UBAC2: variants seen among roughly 807,000 people sequenced by gnomAD.
UBAC2 encodes ubiquitin-associated domain-containing protein 2.
A neutral mutation model predicts 44.0 loss-of-function variants in UBAC2; 26 were observed. That is an observed-to-expected ratio of 0.59 (90% CI 0.43 to 0.82). UBAC2 has a LOEUF of 0.82. Ranked by LOEUF, UBAC2 falls within the 40% of genes least tolerant of loss-of-function variation. UBAC2 has a pLI of 0.00. For synonymous variants in UBAC2, 155 were observed against 154.3 expected (o/e 1.00, Z -0.04); for missense variants, 329 against 419.4 (o/e 0.78, Z 1.88).
chr13:99,241,805 T>C (rs947448690), intron 2 of UBAC2, among the ~76,000 whole-genome samples: 1 of 148,352 alleles, frequency 6.7e-6, no homozygotes, highest in African/African-American at 2.5e-5. Flanking sequence ...GGCAGGGTCA[T>C]AGGACAATAG....
chr13:99,346,704 T>C (rs1380029248), intron 7 of UBAC2, among the ~76,000 whole-genome samples: 1 of 152,148 alleles, frequency 6.6e-6, no homozygotes, highest in African/African-American at 2.4e-5. Context: ...CAGGGAGGCC[T>C]TCCCCAGCTT....
At chr13:99,217,343 G>A (rs1480776527) in intron 1 of UBAC2, among the ~76,000 whole-genome samples, 3 of 152,242 alleles carry the variant, frequency 2.0e-5, no homozygotes, top group South Asian at 2.1e-4. Context: ...GAGAGGTCCC[G>A]TGGCTCATCA....
chr13:99,257,809 G>C (rs554128064), intron 4 of UBAC2, among the ~76,000 whole-genome samples: 10 of 151,900 alleles, frequency 6.6e-5, no homozygotes, highest in African/African-American at 2.4e-4. Flanking sequence ...CTTTCCTTAA[G>C]TTGAAAAAAA....
At chr13:99,247,136 A>C (rs1204993850) in intron 4 of UBAC2, among the ~76,000 whole-genome samples, 1 of 151,274 alleles carries the variant, frequency 6.6e-6, no homozygotes, top group Non-Finnish European at 1.5e-5. Flanking sequence ...GCACCCAGCC[A>C]CAAATATATC....
At chr13:99,269,019 C>T (rs1461632951) in intron 4 of UBAC2, among the ~76,000 whole-genome samples, 1 of 152,154 alleles carries the variant, frequency 6.6e-6, no homozygotes, top group Non-Finnish European at 1.5e-5. Flanking sequence ...ACCACGGGGA[C>T]ATGCTACGGG....
chr13:99,358,406 G>A (rs2138873520), intron 7 of UBAC2, among the ~76,000 whole-genome samples: 1 of 152,300 alleles, frequency 6.6e-6, no homozygotes, highest in Middle Eastern at 3.4e-3. Context: ...GCAGATGGGA[G>A]AATCCAGCAA....
chr13:99,286,718 T>G (rs1018816855), intron 4 of UBAC2, among the ~76,000 whole-genome samples: 1 of 152,196 alleles, frequency 6.6e-6, no homozygotes, highest in Non-Finnish European at 1.5e-5. Context: ...CCATGTGTAT[T>G]CAATGTTTAG....
intron 1 of UBAC2, among the ~76,000 whole-genome samples, chr13:99,229,673 C>T (rs377694102): frequency 1.1e-4 from 17 of 152,252 alleles, no homozygotes; most frequent in South Asian, 6.2e-4. Flanking sequence ...AAGTTGAAAC[C>T]GGGCAAAGCT....
chr13:99,322,535 T>G (rs1209624814), intron 6 of UBAC2, among the ~76,000 whole-genome samples: 3 of 152,228 alleles, frequency 2.0e-5, no homozygotes, highest in Non-Finnish European at 4.4e-5. Flanking sequence ...TTAAGCTGTT[T>G]GAGAGTGAAT....
intron 7 of UBAC2, chr13:99,351,450 A>G (rs775361216): frequency 2.3e-4 from 102 of 435,802 alleles, no homozygotes; most frequent in Non-Finnish European, 4.0e-4. Context: ...TTTATCTTCC[A>G]AACCTAAAAT....
chr13:99,257,642 G>T (rs2138634065), intron 4 of UBAC2, among the ~76,000 whole-genome samples: 1 of 152,254 alleles, frequency 6.6e-6, no homozygotes, highest in South Asian at 2.1e-4. Context: ...ATTGAAAAGT[G>T]ATTGACTTTA....
intron 4 of UBAC2, chr13:99,254,716 A>G (rs1424154695): frequency 3.3e-6 from 2 of 603,740 alleles, no homozygotes; most frequent in Non-Finnish European, 5.5e-6. Context: ...TTTTCTCTGA[A>G]TAATTCACAA....
At chr13:99,374,846 C>A (rs1311802531) in intron 8 of UBAC2, among the ~76,000 whole-genome samples, 1 of 152,060 alleles carries the variant, frequency 6.6e-6, no homozygotes, top group East Asian at 1.9e-4. Flanking sequence ...TGTTTGCTAC[C>A]CTATGAAAAG....
At chr13:99,296,371 A>C (rs569401068) in intron 4 of UBAC2, among the ~76,000 whole-genome samples, 1 of 152,238 alleles carries the variant, frequency 6.6e-6, no homozygotes, top group South Asian at 2.1e-4. Flanking sequence ...AACAGAATAA[A>C]ATTTGTGTTT....
intron 4 of UBAC2, among the ~76,000 whole-genome samples, chr13:99,284,066 A>G (rs1250787312): frequency 2.0e-5 from 3 of 152,220 alleles, no homozygotes; most frequent in Non-Finnish European, 4.4e-5. Context: ...AAAACAGTCT[A>G]GTTAATGGTC....
chr13:99,353,658 AG>A (rs1409825541), intron 7 of UBAC2, among the ~76,000 whole-genome samples: 1 of 152,136 alleles, frequency 6.6e-6, no homozygotes, highest in Non-Finnish European at 1.5e-5. Context: ...TGTACTCTGG[AG>A]CAGTATCATG....
chr13:99,351,471 TG>T (rs1388844835), intron 7 of UBAC2: 3 of 453,736 alleles, frequency 6.6e-6, no homozygotes, highest in Non-Finnish European at 1.3e-5. Flanking sequence ...GTTTACCACC[TG>T]GCCCTTTACA....
intron 8 of UBAC2, among the ~76,000 whole-genome samples, chr13:99,374,909 G>A (rs753669542): frequency 4.6e-5 from 7 of 152,156 alleles, no homozygotes; most frequent in Non-Finnish European, 1.0e-4. Context: ...GAACACGAAG[G>A]TGTGGCCAGT....
intron 8 of UBAC2, among the ~76,000 whole-genome samples, chr13:99,377,818 C>A (rs936541248): frequency 1.3e-5 from 2 of 152,184 alleles, no homozygotes; most frequent in South Asian, 2.1e-4. Context: ...CTGTTCTGGG[C>A]TTCTCACATG....
Sources: allele counts gnomAD v4.1 joint callset (sites outside exome capture counted in the v4.1 genomes callset), GRCh38; gene constraint gnomAD v4.1.1; transcripts MANE v1.5; gene names NCBI Gene and HGNC (gene_info 2026-07-23, HGNC 2026-07-21).